Variants in MLIP observed in about 807,000 individuals in gnomAD.
MLIP encodes the protein muscular LMNA interacting protein.
Under a neutral mutation model 84.8 loss-of-function variants are expected in MLIP, and 79 were observed. The observed-to-expected ratio is 0.93, with a 90% CI of 0.78 to 1.12. The LOEUF (loss-of-function observed/expected upper bound fraction) is 1.12. Among genes scored for constraint, MLIP ranks in the 50% most tolerant of loss-of-function variants. The pLI is 0.00. For synonymous variants in MLIP, 504 were observed against 463.0 expected, an observed-to-expected ratio of 1.09 and a Z score of -1.14; for missense variants, 1,257 against 1,160.6, an observed-to-expected ratio of 1.08 and a Z score of -1.21.
chr6:54,118,828 A>G (rs908982609), intron 1 of MLIP, among the ~76,000 whole-genome samples: 3 of 152,200 alleles, frequency 2.0e-5, no homozygotes, highest in African/African-American at 7.2e-5. Context: ...ATAGCAAGAC[A>G]ACAATCCAAT....
chr6:54,133,564 C>T lies in MLIP; in HGVS notation c.646-3151C>T, dbSNP rs182190895. On this transcript the variant is annotated intron_variant, in intron 3 of 13. Coordinates refer to ENST00000502396, the MANE Select transcript of MLIP (RefSeq NM_001281747.2). ...ATACTAGGTAGCAGATCAGTCACTT[C>T]AGTTTTTATTCAAATGCTTTGAAAT... 4.1e-3 allele frequency among the ~76,000 whole-genome samples: 631 copies of T among 152,248 alleles called. 5 individuals are homozygous for T. Among genetic ancestry groups the T allele is most frequent in the African/African-American group, 0.013 (545 of 41,560 alleles).
intron 4 of MLIP, 32 bp downstream of exon 4, chr6:54,138,318 A>G: frequency 6.7e-7 from 1 of 1,491,446 alleles, no homozygotes; most frequent in Non-Finnish European, 8.9e-7. Context: ...GTGCATGCTT[A>G]TTTTGAAACA....
At chr6:54,103,159 AT>A (rs1159946935) in intron 1 of MLIP, among the ~76,000 whole-genome samples, 1 of 152,140 alleles carries the variant, frequency 6.6e-6, no homozygotes, top group Non-Finnish European at 1.5e-5. Flanking sequence ...TTTTAAAAAG[AT>A]AACACAATAA....
At chr6:54,123,450 A>G (rs1029678544) in intron 2 of MLIP, among the ~76,000 whole-genome samples, 3 of 152,320 alleles carry the variant, frequency 2.0e-5, no homozygotes, top group East Asian at 3.9e-4. Flanking sequence ...AATTTTAATC[A>G]GAGGCAATTT....
intron 12 of MLIP, among the ~76,000 whole-genome samples, chr6:54,253,787 A>G (rs1782802645): frequency 6.6e-6 from 1 of 152,108 alleles, no homozygotes. Flanking sequence ...AATCAACTGA[A>G]TGTTTTATTC....
intron 1 of MLIP, among the ~76,000 whole-genome samples, chr6:54,059,503 G>T (rs533902650): frequency 1.1e-4 from 17 of 152,186 alleles, no homozygotes; most frequent in Non-Finnish European, 5.9e-5. Context: ...CAATAAATAG[G>T]ATGTGAATTA....
At chr6:54,080,505 T>C (rs1362989515) in intron 1 of MLIP, among the ~76,000 whole-genome samples, 1 of 152,014 alleles carries the variant, frequency 6.6e-6, no homozygotes, top group East Asian at 1.9e-4. Context: ...TCACTTTCTA[T>C]TTAATATCAA....
chr6:54,097,528 G>A (rs373495277), intron 1 of MLIP, among the ~76,000 whole-genome samples: 2 of 152,120 alleles, frequency 1.3e-5, no homozygotes, highest in East Asian at 3.9e-4. Flanking sequence ...CACTCAGATG[G>A]TGGAAACAAG....
At chr6:54,253,597 AT>A (rs34848055) in intron 12 of MLIP, among the ~76,000 whole-genome samples, 3 of 151,578 alleles carry the variant, frequency 2.0e-5, no homozygotes, top group Admixed American at 1.3e-4. Flanking sequence ...CATTTTGCCT[AT>A]TTTTTTTCTA....
At chr6:54,258,636 C>T (rs1783180149) in intron 13 of MLIP, among the ~76,000 whole-genome samples, 1 of 152,038 alleles carries the variant, frequency 6.6e-6, no homozygotes, top group Non-Finnish European at 1.5e-5. Flanking sequence ...GTCTTGGCAG[C>T]ATTGAGAATT....
intron 3 of MLIP, among the ~76,000 whole-genome samples, chr6:54,128,890 A>G (rs1345886599): frequency 6.6e-6 from 1 of 152,068 alleles, no homozygotes; most frequent in Non-Finnish European, 1.5e-5. Flanking sequence ...TCAATAAATG[A>G]TTTACTGTAT....
chr6:54,080,845 GT>G (rs1031738778), intron 1 of MLIP, among the ~76,000 whole-genome samples: 41 of 147,240 alleles, frequency 2.8e-4, no homozygotes, highest in African/African-American at 6.2e-4. Context: ...TTAAAGTATA[GT>G]TTTTTTTTTA....
intron 3 of MLIP, among the ~76,000 whole-genome samples, chr6:54,135,758 G>C (rs1771741149): frequency 6.6e-6 from 1 of 151,946 alleles, no homozygotes; most frequent in African/African-American, 2.4e-5. Flanking sequence ...GGAAAGTTCT[G>C]TTTAAAAGGT....
At chr6:54,229,783 G>T (rs779747992) in intron 11 of MLIP, among the ~76,000 whole-genome samples, 12 of 151,976 alleles carry the variant, frequency 7.9e-5, no homozygotes, top group Non-Finnish European at 1.5e-4. Context: ...ATAGGCATTT[G>T]TATTGATTCC....
intron 11 of MLIP, among the ~76,000 whole-genome samples, chr6:54,228,071 T>TA (rs1298426438): frequency 2.1e-5 from 3 of 142,968 alleles, no homozygotes; most frequent in Non-Finnish European, 4.6e-5. Context: ...TAGTCCCAGG[T>TA]ACTCGGGAGG....
chr6:54,189,927 T>C lies in MLIP; in HGVS notation c.2589+13T>C. 2 of 1,583,640 alleles carry C rather than the reference T, an allele frequency of 1.3e-6. No individual in the cohort carries two copies. Among genetic ancestry groups the C allele is most frequent in the Non-Finnish European group, 1.7e-6 (2 of 1,153,472 alleles). On this transcript the variant is annotated intron_variant, in intron 10 of 13. Coordinates refer to ENST00000502396, the MANE Select transcript of MLIP (RefSeq NM_001281747.2). Reference sequence around the variant, plus strand: ...TGAGAGTCAGCTGGTATGTATCTTCTAAGTCACAGATCTACTGCAAATTCT... The same window carrying C: ...TGAGAGTCAGCTGGTATGTATCTTCCAAGTCACAGATCTACTGCAAATTCT...
intron 13 of MLIP, chr6:54,261,577 T>G: frequency 2.0e-6 from 2 of 985,056 alleles, no homozygotes; most frequent in South Asian, 9.4e-5. Context: ...TGACTATGAC[T>G]GATTTGCCAC....
At chr6:54,201,975 A>C (rs1778712686) in intron 10 of MLIP, 130 bp from the exon 11 acceptor site, 3 of 619,194 alleles carry the variant, frequency 4.8e-6, no homozygotes, top group Non-Finnish European at 7.0e-6. Flanking sequence ...GCATTTTTGA[A>C]ATCATTTTAA....
intron 1 of MLIP, among the ~76,000 whole-genome samples, chr6:54,056,004 T>A (rs1270885727): frequency 1.3e-5 from 2 of 152,178 alleles, no homozygotes; most frequent in Admixed American, 6.6e-5. Context: ...ATTTATATAT[T>A]TTTTTAATAT....
Sources: gnomAD v4.1 joint callset for allele counts (sites outside exome capture counted in the v4.1 genomes callset) on GRCh38, gnomAD v4.1.1 for gene constraint, MANE v1.5 for transcripts, NCBI Gene and HGNC (gene_info 2026-07-23, HGNC 2026-07-21) for gene names.